The following SLC10A7 variants were observed in gnomAD, a reference collection of about 807,000 sequenced individuals.
SLC10A7 encodes solute carrier family 10 member 7.
In SLC10A7, 29 loss-of-function variants were observed where a neutral mutation model predicts 43.2. That is an observed-to-expected ratio of 0.67 (90% CI 0.50 to 0.92). SLC10A7 has a LOEUF of 0.92. SLC10A7 is among the 40% of genes least tolerant of loss of function. SLC10A7 has a pLI of 0.00. For missense variants in SLC10A7, 295 were observed against 403.2 expected (o/e 0.73, Z 2.30); for synonymous variants, 152 against 144.8 (o/e 1.05, Z -0.35).
At chr4:146,481,982 G>C (rs1369643679) in intron 4 of SLC10A7, among the ~76,000 whole-genome samples, 2 of 152,156 alleles carry the variant, frequency 1.3e-5, no homozygotes, top group Non-Finnish European at 2.9e-5. Context: ...CCACCACAGA[G>C]GCACCCACAG....
intron 10 of SLC10A7, among the ~76,000 whole-genome samples, chr4:146,279,687 C>A (rs1015984626): frequency 2.0e-5 from 3 of 152,136 alleles, no homozygotes; most frequent in African/African-American, 7.2e-5. Context: ...AGTGATAGCT[C>A]TGCACTTCCT....
At chr4:146,360,973 C>T (rs528678005) in intron 5 of SLC10A7, among the ~76,000 whole-genome samples, 1 of 152,172 alleles carries the variant, frequency 6.6e-6, no homozygotes, top group African/African-American at 2.4e-5. Flanking sequence ...GCATGCTGTT[C>T]CCTCTACTAG....
chr4:146,341,213 G>A (rs903584460), intron 5 of SLC10A7, among the ~76,000 whole-genome samples: 2 of 151,674 alleles, frequency 1.3e-5, no homozygotes, highest in African/African-American at 4.8e-5. Context: ...CAACCATTAG[G>A]TCACTAAGAT....
intron 5 of SLC10A7, among the ~76,000 whole-genome samples, chr4:146,343,855 A>G (rs998924725): frequency 4.6e-5 from 7 of 152,084 alleles, no homozygotes; most frequent in African/African-American, 7.2e-5. Flanking sequence ...AATTTTTAAC[A>G]AATTCAACAA....
intron 2 of SLC10A7, among the ~76,000 whole-genome samples, chr4:146,515,447 T>C (rs1041998056): frequency 6.6e-6 from 1 of 152,198 alleles, no homozygotes; most frequent in African/African-American, 2.4e-5. Context: ...GTAATTATGG[T>C]CCTCTCATAT....
At chr4:146,328,353 G>A (rs895528673) in intron 5 of SLC10A7, among the ~76,000 whole-genome samples, 1 of 152,136 alleles carries the variant, frequency 6.6e-6, no homozygotes, top group African/African-American at 2.4e-5. Context: ...GGACTATTGG[G>A]AGGCCTGAGG....
At chr4:146,402,358 C>A (rs1028354618) in intron 5 of SLC10A7, among the ~76,000 whole-genome samples, 2 of 152,130 alleles carry the variant, frequency 1.3e-5, no homozygotes, top group Non-Finnish European at 2.9e-5. Flanking sequence ...AGAAGTCAGG[C>A]TCCCATTACC....
intron 10 of SLC10A7, among the ~76,000 whole-genome samples, chr4:146,263,713 G>A (rs990741317): frequency 1.2e-4 from 18 of 152,162 alleles, no homozygotes; most frequent in Non-Finnish European, 1.6e-4. Context: ...CACTATGCAC[G>A]CATTTACAAT....
At chr4:146,279,956 C>T (rs748827766) in intron 10 of SLC10A7, among the ~76,000 whole-genome samples, 4 of 151,080 alleles carry the variant, frequency 2.6e-5, no homozygotes, top group Admixed American at 6.6e-5. Flanking sequence ...AGGAAGAGAT[C>T]GAGATAGGGC....
intron 5 of SLC10A7, among the ~76,000 whole-genome samples, chr4:146,400,746 T>G (rs1739172238): frequency 6.6e-6 from 1 of 152,058 alleles, no homozygotes; most frequent in Non-Finnish European, 1.5e-5. Flanking sequence ...CTGAACATAC[T>G]CACCATTTGA....
chr4:146,411,333 A>G (rs1318629853), intron 5 of SLC10A7, among the ~76,000 whole-genome samples: 1 of 152,212 alleles, frequency 6.6e-6, no homozygotes, highest in Non-Finnish European at 1.5e-5. Context: ...CAAATAAGAC[A>G]AGAAATAATT....
intron 5 of SLC10A7, among the ~76,000 whole-genome samples, chr4:146,349,944 C>A (rs1734911876): frequency 6.6e-6 from 1 of 152,016 alleles, no homozygotes; most frequent in African/African-American, 2.4e-5. Flanking sequence ...ATTTCATATA[C>A]CCTAGTAACA....
chr4:146,380,854 G>A (rs1238358777), intron 5 of SLC10A7, among the ~76,000 whole-genome samples: 3 of 152,018 alleles, frequency 2.0e-5, no homozygotes, highest in East Asian at 3.9e-4. Context: ...TAGTTGGTAC[G>A]ATGTTTATCT....
chr4:146,403,083 A>C (rs1228260706), intron 5 of SLC10A7, among the ~76,000 whole-genome samples: 1 of 152,248 alleles, frequency 6.6e-6, no homozygotes, highest in Non-Finnish European at 1.5e-5. Context: ...AGTACCTGCC[A>C]CAAAGAATCC....
intron 4 of SLC10A7, among the ~76,000 whole-genome samples, chr4:146,483,820 ATACTTATG>A (rs1462844871): frequency 2.6e-5 from 4 of 152,180 alleles, no homozygotes; most frequent in African/African-American, 4.8e-5. Context: ...CAGGGTAGCT[ATACTTATG>A]TACTTATATC....
Position 146,342,797 on chromosome 4 carries a change from T to C in SLC10A7, c.436-16801A>G, listed in dbSNP as rs1734357573. 2.0e-5 allele frequency among the ~76,000 whole-genome samples: 3 copies of C among 151,844 alleles called. No individual in the cohort carries two copies. The South Asian group carries it at 6.2e-4, about 31-fold the overall frequency. On this transcript the variant is annotated intron_variant, in intron 5 of 11. Coordinates refer to ENST00000335472, the MANE Select transcript of SLC10A7 (RefSeq NM_001029998.6). ...AAATACAGGGCACTAGGTGGTGCTG[T>C]GGGACCTTCCAGATAAACTAACACT...
chr4:146,316,152 C>T (rs778221781), intron 6 of SLC10A7, among the ~76,000 whole-genome samples: 1 of 152,122 alleles, frequency 6.6e-6, no homozygotes, highest in South Asian at 2.1e-4. Context: ...TTAATTTATC[C>T]TCACAGACAG....
At chr4:146,485,555 C>T (rs1182099927) in intron 4 of SLC10A7, among the ~76,000 whole-genome samples, 1 of 152,178 alleles carries the variant, frequency 6.6e-6, no homozygotes, top group East Asian at 1.9e-4. Flanking sequence ...AGGTAATCTC[C>T]TGTCCTAGAA....
intron 5 of SLC10A7, among the ~76,000 whole-genome samples, chr4:146,349,742 G>A (rs890256804): frequency 1.3e-5 from 2 of 152,104 alleles, no homozygotes; most frequent in Non-Finnish European, 2.9e-5. Flanking sequence ...ATTATCCTAA[G>A]CAAATTAATG....
Sources: allele counts gnomAD v4.1 joint callset (sites outside exome capture counted in the v4.1 genomes callset), GRCh38; gene constraint gnomAD v4.1.1; transcripts MANE v1.5; gene names NCBI Gene and HGNC (gene_info 2026-07-23, HGNC 2026-07-21).